NT5C3A: variants seen among roughly 807,000 people sequenced by gnomAD.
NT5C3A encodes cytosolic 5'-nucleotidase 3A.
Under a neutral mutation model 40.0 loss-of-function variants are expected in NT5C3A, and 23 were observed. That is an observed-to-expected ratio of 0.58 (90% CI 0.41 to 0.81). NT5C3A has a LOEUF of 0.81. Among genes scored for constraint, NT5C3A ranks in the 40% least tolerant of loss-of-function variants. The pLI is 0.00. For synonymous variants in NT5C3A, 130 were observed against 141.4 expected (o/e 0.92, Z 0.57); for missense variants, 328 against 403.0 (o/e 0.81, Z 1.59).
chr7:33,024,100 C>T lies in NT5C3A; in HGVS notation c.246G>A (p.Thr82=), dbSNP rs1273900955. 2.3e-5 allele frequency: 36 copies of T among 1,568,984 alleles called. No homozygotes were observed. The highest frequency in any genetic ancestry group is 2.8e-5 in the Non-Finnish European group (32 of 1,140,046). Residue 82 remains threonine (T), a synonymous_variant, in exon 3 of 9, where the codon ACG becomes ACA. Coordinates refer to ENST00000610140, the MANE Select transcript of NT5C3A (RefSeq NM_001002010.5). ...ATCTACTGAGTGTCATATCAAAGTCCGTTATTATCTGTAAGAAAAGAGTGA... is the reference window on the plus strand; with the variant it reads ...ATCTACTGAGTGTCATATCAAAGTCTGTTATTATCTGTAAGAAAAGAGTGA... ...KGGAAKLQII[T]DFDMTLSRFS...
At chr7:33,046,370 C>G (rs1169157486) in intron 1 of NT5C3A, among the ~76,000 whole-genome samples, 1 of 152,004 alleles carries the variant, frequency 6.6e-6, no homozygotes, top group African/African-American at 2.4e-5. Context: ...GGCCCTGTAT[C>G]CACAAAAAAT....
Position 33,015,772 on chromosome 7 carries a change from A to G in NT5C3A, c.792T>C (p.Asn264=). 6.2e-7 allele frequency: 1 copy of G among 1,608,454 alleles called. No homozygotes were observed. Among genetic ancestry groups the G allele is most frequent in the Non-Finnish European group, 8.5e-7 (1 of 1,174,872 alleles). The change falls in exon 8 of 9, where the codon AAT becomes AAC. Residue 264 remains asparagine, a synonymous_variant. Transcript: ENST00000610140. ...NTEYFNQLKD[N]SNIILLGDSQ... The stretch of plus-strand genomic sequence containing the variant: ...AGTCTCCCAGAAGAATTATGTTACT[A>G]TTGTCTTTTAGTTGATTGAAATATT...
At chr7:33,054,098 G>A (rs2893460) in intron 1 of NT5C3A, among the ~76,000 whole-genome samples, 152,268 of 152,270 alleles carry the variant, frequency 1, 76,133 homozygotes, top group Non-Finnish European at 1. Flanking sequence ...GCACATGTCT[G>A]TAATCCCAGC....
rs752868920 is a variant in NT5C3A, at chr7:33,024,101, G to A, written c.245C>T (p.Thr82Met). ...TCTACTGAGTGTCATATCAAAGTCC[G>A]TTATTATCTGTAAGAAAAGAGTGAA... Reference protein sequence around the residue: ...KGGAAKLQIITDFDMTLSRFS... With the variant: ...KGGAAKLQIIMDFDMTLSRFS... Residue 82 changes from threonine (T) to methionine (M), a missense_variant, in exon 3 of 9, where the codon ACG becomes ATG. Coordinates refer to ENST00000610140, the MANE Select transcript of NT5C3A (RefSeq NM_001002010.5). 2.5e-5 allele frequency: 39 copies of A among 1,564,732 alleles called. No individual in the cohort carries two copies. The East Asian group carries it at 3.1e-4, about 13-fold the overall frequency.
chr7:33,016,530 T>A (rs12154853), intron 7 of NT5C3A, among the ~76,000 whole-genome samples: 8 of 151,062 alleles, frequency 5.3e-5, no homozygotes, highest in Middle Eastern at 3.4e-3. Flanking sequence ...TTAGCTGGGC[T>A]TGGTGGCACG....
At chr7:33,019,256 TAA>T (rs35312649) in intron 6 of NT5C3A, among the ~76,000 whole-genome samples, 67 of 145,948 alleles carry the variant, frequency 4.6e-4, no homozygotes, top group Admixed American at 1.0e-3. Context: ...ACCCTGTCTT[TAA>T]AAAAAAAAAA....
intron 7 of NT5C3A, 57 bp from the exon 8 acceptor site, chr7:33,015,927 CATATTTTGGAGCT>C (rs1785299786): frequency 2.5e-6 from 3 of 1,192,208 alleles, no homozygotes; most frequent in Non-Finnish European, 3.7e-6. Context: ...GTTGGATTTT[CATATTTTGGAGCT>C]CTTAATTGAT....
intron 1 of NT5C3A, chr7:33,035,874 A>G: frequency 7.7e-7 from 1 of 1,293,926 alleles, no homozygotes; most frequent in South Asian, 1.2e-5. Flanking sequence ...TTAGAGACAG[A>G]GGTAAAAGTG....
chr7:33,023,704 C>A, intron 3 of NT5C3A: 1 of 223,644 alleles, frequency 4.5e-6, no homozygotes, highest in Non-Finnish European at 8.8e-6. Flanking sequence ...GGTAAAATTC[C>A]TAGAAAACAA....
chr7:33,018,844 G>GAA (rs112549232), intron 6 of NT5C3A, among the ~76,000 whole-genome samples: 2 of 142,862 alleles, frequency 1.4e-5, no homozygotes, highest in African/African-American at 5.2e-5. Flanking sequence ...AAAAAAAAAA[G>GAA]AAAAAAAAAA....
chr7:33,036,982 T>A (rs1184933821), intron 1 of NT5C3A, among the ~76,000 whole-genome samples: 1 of 152,110 alleles, frequency 6.6e-6, no homozygotes, highest in Non-Finnish European at 1.5e-5. Flanking sequence ...TGGTTAATTT[T>A]TGTATTTTTA....
At chr7:33,050,547 A>G (rs756143892) in intron 1 of NT5C3A, among the ~76,000 whole-genome samples, 3 of 152,222 alleles carry the variant, frequency 2.0e-5, no homozygotes, top group Non-Finnish European at 1.5e-5. Flanking sequence ...AAGGCAAAGG[A>G]GAAGGCTATG....
intron 1 of NT5C3A, among the ~76,000 whole-genome samples, chr7:33,033,507 T>C (rs1786399959): frequency 6.6e-6 from 1 of 152,214 alleles, no homozygotes; most frequent in African/African-American, 2.4e-5. Flanking sequence ...ATATAAAATA[T>C]AAATCTTACA....
At chr7:33,056,598 C>A (rs1045161125) in intron 1 of NT5C3A, among the ~76,000 whole-genome samples, 1 of 149,904 alleles carries the variant, frequency 6.7e-6, no homozygotes, top group African/African-American at 2.5e-5. Flanking sequence ...CTTGAGCCCA[C>A]GAGTTTGAGG....
intron 1 of NT5C3A, among the ~76,000 whole-genome samples, chr7:33,058,291 T>C (rs917572392): frequency 1.3e-5 from 2 of 152,126 alleles, no homozygotes; most frequent in Non-Finnish European, 2.9e-5. Context: ...AATGAGAATA[T>C]GGAGAGTAAG....
At chr7:33,043,414 A>T (rs1355196740) in intron 1 of NT5C3A, among the ~76,000 whole-genome samples, 2 of 152,216 alleles carry the variant, frequency 1.3e-5, no homozygotes, top group Non-Finnish European at 2.9e-5. Flanking sequence ...ATAGCGTGTT[A>T]AAAACGTCAT....
At chr7:33,059,432 C>G (rs944292556) in intron 1 of NT5C3A, among the ~76,000 whole-genome samples, 1 of 152,150 alleles carries the variant, frequency 6.6e-6, no homozygotes, top group Admixed American at 6.5e-5. Context: ...CCAAACCTGC[C>G]ATTTTTTCCT....
intron 6 of NT5C3A, among the ~76,000 whole-genome samples, chr7:33,018,963 T>G (rs1466115682): frequency 1.3e-5 from 2 of 152,128 alleles, no homozygotes; most frequent in East Asian, 3.9e-4. Context: ...AAAAGTAGGC[T>G]TATGTAAATT....
At chr7:33,059,604 A>C (rs1787701313) in intron 1 of NT5C3A, among the ~76,000 whole-genome samples, 1 of 152,268 alleles carries the variant, frequency 6.6e-6, no homozygotes, top group African/African-American at 2.4e-5. Flanking sequence ...TTTAATCTTC[A>C]CAACCTATGA....
Sources: gnomAD v4.1 joint callset for allele counts (sites outside exome capture counted in the v4.1 genomes callset) on GRCh38, gnomAD v4.1.1 for gene constraint, MANE v1.5 for transcripts, NCBI Gene and HGNC (gene_info 2026-07-23, HGNC 2026-07-21) for gene names.